MBD1: variants seen among roughly 807,000 people sequenced by gnomAD.
The protein encoded by MBD1 is methyl-CpG binding domain protein 1.
A neutral mutation model predicts 82.6 loss-of-function variants in MBD1; 25 were observed. That is an observed-to-expected ratio of 0.30 (90% confidence interval 0.22 to 0.42). The LOEUF is 0.42. Among genes scored for constraint, MBD1 ranks in the 10% least tolerant of loss-of-function variants. The probability of loss-of-function intolerance (pLI) is 1.00; values close to 1 mark genes in which losing one functional copy is unlikely to be tolerated. For missense variants in MBD1, 627 were observed against 819.6 expected (o/e 0.76, Z 2.87); for synonymous variants, 301 against 303.7 (o/e 0.99, Z 0.09).
At chr18:50,274,904 A>G in intron 10 of MBD1, 73 bp downstream of exon 10, 1 of 1,490,410 alleles carries the variant, frequency 6.7e-7, no homozygotes, top group Non-Finnish European at 9.3e-7. Flanking sequence ...GGCTCATTCC[A>G]GCATCTGCTT....
intron 15 of MBD1, chr18:50,272,402 C>T (rs2035949660): frequency 2.0e-6 from 1 of 500,640 alleles, no homozygotes; most frequent in Admixed American, 3.2e-5. Context: ...AGGGACCAGA[C>T]TCCCTATCTT....
Position 50,276,703 on chromosome 18 carries a change from G to A in MBD1, c.434C>T (p.Thr145Ile). 1 of 1,614,192 alleles carries A rather than the reference G, an allele frequency of 6.2e-7. No individual in the cohort carries two copies. Among genetic ancestry groups the A allele is most frequent in the Non-Finnish European group, 8.5e-7 (1 of 1,180,046 alleles). The change falls in exon 5 of 17, where the codon ACC (threonine) becomes ATC (isoleucine). Residue 145 changes from threonine to isoleucine, a missense_variant. Physicochemically the swap from Thr to Ile is moderately conservative, Grantham distance 89. Around this residue, in one of 6 missense-constraint regions of MBD1, gnomAD observed 228 missense variants for 318.1 expected, o/e 0.72. Transcript: ENST00000269468. ...CAACGTTTTGAGCCGCTGCCTTTGG[G>A]TGCCATCCCCTGAGAAGCTGATTCC... ...NCGISFSGDG[T>I]QRQRLKTLCK...
chr18:50,274,379 T>C (rs1193337570), intron 10 of MBD1, 26 bp from the exon 11 acceptor site: 2 of 1,607,060 alleles, frequency 1.2e-6, no homozygotes, highest in African/African-American at 1.3e-5. Context: ...TGGGTGGTGC[T>C]GTCAACTAGG....
Position 50,274,305 on chromosome 18 carries a change from C to T in MBD1, c.1027G>A (p.Ala343Thr). ...CCACAGTCCATCCGCCGTAGGCAGGCTGCACAGGCCCCGCACTTGCGGTTC... is the reference window on the plus strand; with the variant it reads ...CCACAGTCCATCCGCCGTAGGCAGGTTGCACAGGCCCCGCACTTGCGGTTC... ...RQNRKCGACA[A>T]CLRRMDCGRC... Residue 343 changes from alanine (A) to threonine (T), a missense_variant, in exon 11 of 17, where the codon GCC (alanine) becomes ACC (threonine). Ala to Thr is a moderately conservative substitution (Grantham distance 58). Transcript: ENST00000269468. 1 of 1,613,980 alleles carries T rather than the reference C, an allele frequency of 6.2e-7. No individual in the cohort carries two copies. The highest frequency in any genetic ancestry group is 8.5e-7 in the Non-Finnish European group (1 of 1,180,026).
intron 15 of MBD1, among the ~76,000 whole-genome samples, chr18:50,272,244 T>C (rs1258332925): frequency 6.6e-6 from 1 of 152,102 alleles, no homozygotes; most frequent in Non-Finnish European, 1.5e-5. Flanking sequence ...CCCAGCACCA[T>C]TTCTCTGGTA....
Position 50,271,531 on chromosome 18 carries a change from G to A in MBD1, c.1788C>T (p.Asp596=). The change falls in exon 16 of 17, where the codon GAC becomes GAT. Residue 596 remains aspartate (D), a synonymous_variant. Transcript: ENST00000269468. ...GCTTTCTAGCTCCAGGTTTTTTAAG[G>A]TCTTTGGACCTAGGGAAAAGGGAGC... ...DTAVWLPRSK[D]LKKPGARKQ 2 of 1,614,196 alleles carry A rather than the reference G, an allele frequency of 1.2e-6. No individual in the cohort carries two copies. The highest frequency in any genetic ancestry group is 1.7e-6 in the Non-Finnish European group (2 of 1,180,038).
intron 15 of MBD1, among the ~76,000 whole-genome samples, chr18:50,272,200 C>T (rs1177928918): frequency 6.6e-6 from 1 of 152,146 alleles, no homozygotes; most frequent in African/African-American, 2.4e-5. Context: ...AGCTCGGAAC[C>T]CAGATCTCCT....
intron 5 of MBD1, 95 bp from the exon 6 acceptor site, chr18:50,276,513 T>G (rs2037966810): frequency 6.9e-7 from 1 of 1,455,054 alleles, no homozygotes; most frequent in Non-Finnish European, 9.6e-7. Context: ...CTATTCAACC[T>G]CTACCTATGC....
chr18:50,269,354 C>A lies in MBD1; in HGVS notation c.*497G>T. 7.5e-7 allele frequency: 1 copy of A among 1,325,958 alleles called. No individual in the cohort carries two copies. Among genetic ancestry groups the A allele is most frequent in the Non-Finnish European group, 9.8e-7 (1 of 1,025,326 alleles). The allele number at this position is 1,325,958 out of a possible 1,614,324, so 82.1% of individuals were successfully genotyped here. Reference sequence around the variant, plus strand: ...TTTGTAATGTGTCACCTTGGTGAGGCTATGTTTCCCGGAACTCTCTTCCAG... The same window carrying A: ...TTTGTAATGTGTCACCTTGGTGAGGATATGTTTCCCGGAACTCTCTTCCAG... On this transcript the variant is annotated 3_prime_UTR_variant, in exon 17 of 17. Transcript: ENST00000269468.
At chr18:50,277,346 C>A in intron 2 of MBD1, 142 bp from the exon 3 acceptor site, 2 of 693,826 alleles carry the variant, frequency 2.9e-6, no homozygotes, top group South Asian at 3.1e-5. Context: ...CTCAACTAAC[C>A]TTGAAAACAT....
Position 50,269,359 on chromosome 18 carries a change from T to A in MBD1, c.*492A>T. ...AATGTGTCACCTTGGTGAGGCTATG[T>A]TTCCCGGAACTCTCTTCCAGTAAGA... On this transcript the variant is annotated 3_prime_UTR_variant, in exon 17 of 17. Transcript: ENST00000269468. 7.5e-7 allele frequency: 1 copy of A among 1,327,286 alleles called. No individual in the cohort carries two copies. Among genetic ancestry groups the A allele is most frequent in the Non-Finnish European group, 9.8e-7 (1 of 1,023,768 alleles). 82.2% of individuals were successfully genotyped at this position (1,327,286 alleles called of 1,614,324 possible). A position where few individuals can be genotyped will look rare whatever the true frequency, so the allele number is the denominator to read the frequency against.
intron 16 of MBD1, chr18:50,270,159 G>A (rs1009382633): frequency 1.9e-6 from 3 of 1,598,228 alleles, no homozygotes; most frequent in South Asian, 1.1e-5. Flanking sequence ...AATAAAGGAA[G>A]GGGTGGGGAA....
chr18:50,270,054 T>C, intron 16 of MBD1: 3 of 1,598,030 alleles, frequency 1.9e-6, no homozygotes, highest in Non-Finnish European at 2.5e-6. Context: ...ATTGTCAAAA[T>C]TACCAGAATA....
intron 16 of MBD1, 118 bp from the exon 17 acceptor site, chr18:50,269,936 A>C: frequency 7.3e-7 from 1 of 1,369,006 alleles, no homozygotes; most frequent in Non-Finnish European, 1.0e-6. Flanking sequence ...ATATATACAT[A>C]ATCTTTATCT....
At chr18:50,267,717 A>G, downstream of MBD1, 1 of 1,203,022 alleles carries the variant, frequency 8.3e-7, no homozygotes, top group Non-Finnish European at 1.2e-6. Context: ...AGTGGGGGTG[A>G]GCATAGAACA....
At chr18:50,275,521 C>T in intron 8 of MBD1, 79 bp downstream of exon 8, 1 of 1,610,634 alleles carries the variant, frequency 6.2e-7, no homozygotes, top group Non-Finnish European at 8.5e-7. Flanking sequence ...ATGAGGTAGG[C>T]AAGGCCAGGT....
chr18:50,270,497 G>A (rs1408345467), intron 16 of MBD1: 5 of 358,462 alleles, frequency 1.4e-5, no homozygotes, highest in African/African-American at 1.1e-4. Flanking sequence ...GGTGATCACA[G>A]GGCAGGAGAT....
chr18:50,271,282 T>C (rs2035407003), intron 16 of MBD1, 187 bp downstream of exon 16: 5 of 1,463,404 alleles, frequency 3.4e-6, no homozygotes, highest in South Asian at 2.9e-5. Context: ...ACCAACTTTC[T>C]ACTCTTTCTC....
downstream of MBD1, among the ~76,000 whole-genome samples, chr18:50,268,295 G>A (rs192041578): frequency 2.6e-5 from 4 of 152,364 alleles, no homozygotes; most frequent in South Asian, 4.1e-4. Flanking sequence ...GCAGCCCAAA[G>A]GGCCTCGTCG....
Sources: gnomAD v4.1 joint callset for allele counts (sites outside exome capture counted in the v4.1 genomes callset) on GRCh38, gnomAD v4.1.1 for gene constraint, gnomAD v4.1.1 regional missense constraint, MANE v1.5 for transcripts, NCBI Gene and HGNC (gene_info 2026-07-23, HGNC 2026-07-21) for gene names.